CDK17: variants seen among roughly 807,000 people sequenced by gnomAD.
CDK17 encodes cyclin-dependent kinase 17.
A neutral mutation model predicts 77.6 loss-of-function variants in CDK17; 24 were observed. The observed-to-expected ratio is 0.31, with a 90% confidence interval of 0.22 to 0.44. The LOEUF is 0.44. CDK17 is among the 20% of genes least tolerant of loss of function. The pLI, the probability that CDK17 is intolerant of heterozygous loss-of-function variation, is 1.00. For synonymous variants in CDK17, 203 were observed against 210.4 expected, an observed-to-expected ratio of 0.96 and a Z score of 0.30; for missense variants, 429 against 622.5, an observed-to-expected ratio of 0.69 and a Z score of 3.31.
intron 1 of CDK17, among the ~76,000 whole-genome samples, chr12:96,336,441 A>C (rs1005243549): frequency 1.3e-5 from 2 of 152,226 alleles, no homozygotes; most frequent in African/African-American, 2.4e-5. Flanking sequence ...CTCCAGCCTG[A>C]GTGACAGAAT....
At chr12:96,289,138 A>G in intron 11 of CDK17, 29 bp downstream of exon 11, 1 of 1,610,200 alleles carries the variant, frequency 6.2e-7, no homozygotes, top group Non-Finnish European at 8.5e-7. Flanking sequence ...TCAAAATTAT[A>G]AATGTCAGTG....
At chr12:96,385,687 A>G (rs1198261276) in intron 1 of CDK17, among the ~76,000 whole-genome samples, 1 of 152,214 alleles carries the variant, frequency 6.6e-6, no homozygotes, top group Non-Finnish European at 1.5e-5. Context: ...TATTGGAGAA[A>G]AGCCAAGATA....
chr12:96,343,403 TG>T (rs750988787), intron 1 of CDK17, among the ~76,000 whole-genome samples: 2 of 152,178 alleles, frequency 1.3e-5, no homozygotes, highest in South Asian at 4.1e-4. Flanking sequence ...TAGCAGGCAG[TG>T]GGAGAATTTT....
intron 3 of CDK17, among the ~76,000 whole-genome samples, chr12:96,315,118 G>T (rs1952693508): frequency 6.6e-6 from 1 of 152,166 alleles, no homozygotes. Context: ...TAGATAACTA[G>T]ATCTCTTTTT....
chr12:96,343,569 C>T (rs779213057), intron 1 of CDK17, among the ~76,000 whole-genome samples: 2 of 152,300 alleles, frequency 1.3e-5, no homozygotes, highest in Admixed American at 6.5e-5. Flanking sequence ...TAAGACAGCA[C>T]CTTCTTCTTT....
At chr12:96,334,479 T>C (rs994489008) in intron 2 of CDK17, among the ~76,000 whole-genome samples, 1 of 152,178 alleles carries the variant, frequency 6.6e-6, no homozygotes, top group African/African-American at 2.4e-5. Flanking sequence ...TGGAAGGATA[T>C]GTGGAATAGA....
chr12:96,286,938 C>T (rs1054178154), intron 11 of CDK17, among the ~76,000 whole-genome samples, 177 bp from the exon 12 acceptor site: 1 of 152,174 alleles, frequency 6.6e-6, no homozygotes, highest in African/African-American at 2.4e-5. Context: ...GTCTCAATTT[C>T]TATATTGCTA....
chr12:96,386,907 T>C (rs1953985671), intron 1 of CDK17: 2 of 238,508 alleles, frequency 8.4e-6, no homozygotes, highest in South Asian at 1.4e-4. Context: ...ATTGGCCTCT[T>C]CCTGCAACAA....
chr12:96,293,047 T>C (rs11108455), intron 10 of CDK17, among the ~76,000 whole-genome samples: 65,895 of 152,082 alleles, frequency 0.43, 15,544 homozygotes, highest in African/African-American at 0.61. Context: ...ATTTGCCACA[T>C]TAGAAATTAA....
chr12:96,378,974 T>A (rs1201105423), intron 1 of CDK17, among the ~76,000 whole-genome samples: 1 of 152,138 alleles, frequency 6.6e-6, no homozygotes, highest in Non-Finnish European at 1.5e-5. Flanking sequence ...GTTTTATCTA[T>A]CCCAAAAAAA....
intron 1 of CDK17, among the ~76,000 whole-genome samples, chr12:96,375,510 C>CT (rs34451499): frequency 0.29 from 29,630 of 101,496 alleles, 6,325 homozygotes; most frequent in East Asian, 0.52. Context: ...TGATCCTAAC[C>CT]TTTTTTTTTT....
chr12:96,294,584 CAAAAAAA>C lies in CDK17; in HGVS notation c.997+408_997+414del, dbSNP rs11313631. Among the ~76,000 whole-genome samples the C allele has an allele frequency of 5.3e-4, 29 of 54,346 alleles. 1 individual carries two copies. The highest frequency in any genetic ancestry group is 3.4e-4 in the Non-Finnish European group (11 of 32,474). 35.7% of individuals were successfully genotyped at this position (54,346 alleles called of 152,430 possible). On this transcript the variant is annotated intron_variant, in intron 10 of 16. Coordinates refer to ENST00000261211, the MANE Select transcript of CDK17 (RefSeq NM_002595.5). ...GGCTTTAACAGCAAAATGCTGTCTT[CAAAAAAA>C]AAAAAAAAAAAAAAAAAAAAGATAT...
At chr12:96,350,346 T>C (rs1489808664) in intron 1 of CDK17, among the ~76,000 whole-genome samples, 5 of 129,856 alleles carry the variant, frequency 3.9e-5, no homozygotes, top group African/African-American at 5.7e-5. Context: ...GTCTCAAATT[T>C]AAAAAAAAAA....
chr12:96,384,331 C>T (rs907502990), intron 1 of CDK17, among the ~76,000 whole-genome samples: 9 of 152,172 alleles, frequency 5.9e-5, no homozygotes, highest in African/African-American at 2.2e-4. Context: ...AGGTTAGCCA[C>T]TGTGGAAAGC....
At position 96,282,664 on chromosome 12, in the gene CDK17, G is replaced by A. The variant is rs749525931; in HGVS notation, c.1366-65C>T. ...TAATTACTGCAAAAAGTAGGAGATG[G>A]GCAAATTAGCATTTAGAGCTACTTA... On this transcript the variant is annotated intron_variant, in intron 14 of 16. Transcript: ENST00000261211. The A allele has an allele frequency of 5.1e-5, 50 of 980,466 alleles. No individual in the cohort carries two copies. The South Asian group carries it at 5.9e-4, about 12-fold the overall frequency. 60.7% of individuals were successfully genotyped at this position (980,466 alleles called of 1,614,324 possible).
intron 1 of CDK17, among the ~76,000 whole-genome samples, chr12:96,377,582 GACA>G (rs1173951079): frequency 6.6e-6 from 1 of 151,652 alleles, no homozygotes; most frequent in African/African-American, 2.4e-5. Flanking sequence ...CAAAAAGTCT[GACA>G]ACACATTCAG....
At chr12:96,304,314 G>A (rs574677843) in intron 5 of CDK17, among the ~76,000 whole-genome samples, 131 of 152,234 alleles carry the variant, frequency 8.6e-4, no homozygotes, top group Non-Finnish European at 1.4e-3. Flanking sequence ...CGAGAAGGGC[G>A]GATCATGAGG....
At chr12:96,301,672 T>TA (rs1430957944) in intron 5 of CDK17, among the ~76,000 whole-genome samples, 2 of 152,186 alleles carry the variant, frequency 1.3e-5, no homozygotes, top group African/African-American at 4.8e-5. Context: ...TTTTAATACA[T>TA]AATCTCAGTT....
intron 1 of CDK17, among the ~76,000 whole-genome samples, chr12:96,341,133 G>A (rs555776740): frequency 1.3e-5 from 2 of 152,180 alleles, no homozygotes; most frequent in Non-Finnish European, 2.9e-5. Context: ...TAGAATAAAT[G>A]GATGAATCTG....
Sources: allele counts gnomAD v4.1 joint callset (sites outside exome capture counted in the v4.1 genomes callset), GRCh38; gene constraint gnomAD v4.1.1; transcripts MANE v1.5; gene names NCBI Gene and HGNC (gene_info 2026-07-23, HGNC 2026-07-21).